Variants in RASA3 observed in about 807,000 individuals in gnomAD.
RASA3 encodes the protein RAS p21 protein activator 3, also known as ras GTPase-activating protein 3.
RASA3 carries 73 observed loss-of-function variants against 110.0 expected under a neutral mutation model. The observed-to-expected ratio is 0.66, with a 90% CI of 0.55 to 0.81. The LOEUF (loss-of-function observed/expected upper bound fraction) is 0.81. Ranked by LOEUF, RASA3 falls within the 30% of genes least tolerant of loss-of-function variation. The probability of loss-of-function intolerance (pLI) is 0.00; values close to 1 mark genes in which losing one functional copy is unlikely to be tolerated. For synonymous variants in RASA3, 500 were observed against 451.4 expected, an observed-to-expected ratio of 1.11 and a Z score of -1.37; for missense variants, 976 against 1,113.2, an observed-to-expected ratio of 0.88 and a Z score of 1.75.
intron 7 of RASA3, among the ~76,000 whole-genome samples, chr13:114,025,072 A>G (rs1324912623): frequency 6.6e-6 from 1 of 151,880 alleles, no homozygotes; most frequent in African/African-American, 2.4e-5. Flanking sequence ...TCAGCCGTGC[A>G]CCAGGTCACC....
At position 114,125,844 on chromosome 13, in the gene RASA3, C is replaced by G. The variant is rs147223720; in HGVS notation, c.55+6591G>C. Reference sequence around the variant, plus strand: ...GCTCAGTGAGCTGCCTCCCCGACCCCCACCACAGTTCCACAACGGCTGTCC... The same window carrying G: ...GCTCAGTGAGCTGCCTCCCCGACCCGCACCACAGTTCCACAACGGCTGTCC... On this transcript the variant is annotated intron_variant, in intron 1 of 23. Transcript: ENST00000334062. Among the ~76,000 whole-genome samples the G allele has an allele frequency of 5.3e-3, 803 of 152,006 alleles. 7 individuals are homozygous for G. The highest frequency in any genetic ancestry group is 8.2e-3 in the Non-Finnish European group (555 of 67,826).
At chr13:114,043,796 G>C (rs1010266101) in intron 3 of RASA3, among the ~76,000 whole-genome samples, 1 of 149,904 alleles carries the variant, frequency 6.7e-6, no homozygotes, top group Admixed American at 6.7e-5. Context: ...GAGGGTGGAC[G>C]ACAGCCAGGA....
chr13:114,076,430 G>A (rs918493938), intron 1 of RASA3, among the ~76,000 whole-genome samples: 3 of 152,110 alleles, frequency 2.0e-5, no homozygotes, highest in Non-Finnish European at 2.9e-5. Flanking sequence ...GCCTCAGGTC[G>A]GTCATCCCAT....
At chr13:114,009,245 G>A (rs191547898) in intron 17 of RASA3, 142 bp downstream of exon 17, 63 of 679,594 alleles carry the variant, frequency 9.3e-5, no homozygotes, top group African/African-American at 8.8e-4. Context: ...TCTGGACAGC[G>A]CTGTGAATGC....
At chr13:114,116,665 C>T (rs1214057570) in intron 1 of RASA3, among the ~76,000 whole-genome samples, 1 of 152,224 alleles carries the variant, frequency 6.6e-6, no homozygotes, top group Non-Finnish European at 1.5e-5. Context: ...AAAATTAACT[C>T]TGCAAATACA....
chr13:114,013,948 CTCTG>C lies in RASA3; in HGVS notation c.1406-704_1406-701del, dbSNP rs1387811455. On this transcript the variant is annotated intron_variant, in intron 14 of 23. Transcript: ENST00000334062. ...CGTCTCTCTCTCCCTGTCTCTATCT[CTCTG>C]TCTCTCTCTCTCTCTCTCCGTCTCG... Among the ~76,000 whole-genome samples the C allele has an allele frequency of 5.9e-5, 5 of 85,102 alleles. 1 individual carries two copies. Among genetic ancestry groups the C allele is most frequent in the African/African-American group, 1.9e-4 (3 of 15,914 alleles). 55.8% of individuals were successfully genotyped at this position (85,102 alleles called of 152,430 possible). A position where few individuals can be genotyped will look rare whatever the true frequency, so the allele number is the denominator to read the frequency against.
intron 17 of RASA3, among the ~76,000 whole-genome samples, chr13:114,008,441 C>T (rs2053563643): frequency 5.0e-5 from 1 of 19,876 alleles, no homozygotes; most frequent in East Asian, 1.7e-3. Context: ...ACGTTCCCCA[C>T]GCACCGCGTT....
At chr13:114,128,668 T>C (rs896523999) in intron 1 of RASA3, among the ~76,000 whole-genome samples, 11 of 152,272 alleles carry the variant, frequency 7.2e-5, no homozygotes, top group African/African-American at 2.4e-4. Flanking sequence ...CGGTTCAATG[T>C]TGGGCCAGAC....
intron 1 of RASA3, among the ~76,000 whole-genome samples, chr13:114,104,300 A>C (rs1164913813): frequency 9.8e-6 from 1 of 101,866 alleles, no homozygotes; most frequent in Admixed American, 1.1e-4. Context: ...GTCCCCGGCC[A>C]CGGACACCCA....
chr13:114,027,299 A>C, intron 7 of RASA3, 90 bp downstream of exon 7: 25 of 1,122,132 alleles, frequency 2.2e-5, no homozygotes, highest in Non-Finnish European at 2.8e-5. Context: ...TCCAGAGGGA[A>C]GAGACTGAGA....
intron 1 of RASA3, among the ~76,000 whole-genome samples, chr13:114,129,792 G>C (rs950973801): frequency 1.1e-4 from 17 of 152,282 alleles, no homozygotes; most frequent in Non-Finnish European, 1.6e-4. Flanking sequence ...TTATGAAGGG[G>C]AAGACACGGG....
chr13:114,068,410 G>T (rs187298594), intron 2 of RASA3, among the ~76,000 whole-genome samples: 33 of 152,352 alleles, frequency 2.2e-4, no homozygotes, highest in African/African-American at 7.7e-4. Flanking sequence ...ACCATTCCAC[G>T]TCCTTACGTG....
At chr13:114,094,177 C>A (rs114678336) in intron 1 of RASA3, among the ~76,000 whole-genome samples, 1,629 of 152,196 alleles carry the variant, frequency 0.011, 42 homozygotes, top group African/African-American at 0.037. Context: ...TGCATAGGTA[C>A]AGAATTCTTG....
intron 1 of RASA3, 26 bp from the exon 2 acceptor site, chr13:114,073,863 A>T: frequency 6.4e-7 from 1 of 1,557,112 alleles, no homozygotes; most frequent in Non-Finnish European, 8.9e-7. Context: ...GACATACATC[A>T]TCAGCAGCGT....
Position 114,096,360 on chromosome 13 carries a change from C to T in RASA3, c.56-22523G>A, listed in dbSNP as rs777447178. 1.3e-5 allele frequency among the ~76,000 whole-genome samples: 2 copies of T among 152,224 alleles called. No homozygotes were observed. The highest frequency in any genetic ancestry group is 2.9e-5 in the Non-Finnish European group (2 of 68,036). The stretch of plus-strand genomic sequence containing the variant: ...TCTCACAGTCACCTCAACAGCATCT[C>T]AGCCGTTGTCCGACACTGGGTGATT... On this transcript the variant is annotated intron_variant, in intron 1 of 23. Transcript: ENST00000334062. The surrounding 1 kb of genome is among the most constrained non-coding windows in gnomAD (Gnocchi z 5.1).
chr13:114,073,295 C>T (rs1451209810), intron 2 of RASA3, among the ~76,000 whole-genome samples: 4 of 139,400 alleles, frequency 2.9e-5, no homozygotes, highest in African/African-American at 5.5e-5. Flanking sequence ...ACATTGTCTA[C>T]GCACAGAAAA....
intron 4 of RASA3, among the ~76,000 whole-genome samples, chr13:114,030,459 CACA>C (rs1566501716): frequency 2.6e-5 from 3 of 114,268 alleles, no homozygotes; most frequent in African/African-American, 6.2e-5. Flanking sequence ...GCAAGGCTCA[CACA>C]GAGGGCAAGG....
chr13:114,007,631 C>T, intron 17 of RASA3, 25 bp from the exon 18 acceptor site: 1 of 1,585,460 alleles, frequency 6.3e-7, no homozygotes, highest in Non-Finnish European at 8.7e-7. Flanking sequence ...AATCAGGTCA[C>T]CGGGAGGAAG....
At position 114,049,287 on chromosome 13, in the gene RASA3, C is replaced by CT. The variant is rs1208805927; in HGVS notation, c.277+2764_277+2765insA. Among the ~76,000 whole-genome samples, 3 of 152,220 alleles carry CT rather than the reference C, an allele frequency of 2.0e-5. No homozygotes were observed. The East Asian group carries it at 5.8e-4, about 29-fold the overall frequency. The stretch of plus-strand genomic sequence containing the variant: ...CCTGGTGTTTCATGCCCGGTAACAA[C>CT]ATAATTACCATCATAAAGATAAATC... On this transcript the variant is annotated intron_variant, in intron 3 of 23. Transcript: ENST00000334062.
Sources: gnomAD v4.1 joint callset for allele counts (sites outside exome capture counted in the v4.1 genomes callset) on GRCh38, gnomAD v4.1.1 for gene constraint, Gnocchi (gnomAD v3.1) non-coding constraint, MANE v1.5 for transcripts, NCBI Gene and HGNC (gene_info 2026-07-23, HGNC 2026-07-21) for gene names.